ENPP3: variants seen among roughly 807,000 people sequenced by gnomAD.
The protein encoded by ENPP3 is ectonucleotide pyrophosphatase/phosphodiesterase 3, also known as ectonucleotide pyrophosphatase/phosphodiesterase family member 3.
A neutral mutation model predicts 117.8 loss-of-function variants in ENPP3; 104 were observed. That is an observed-to-expected ratio of 0.88 (90% CI 0.75 to 1.04). The LOEUF (loss-of-function observed/expected upper bound fraction) is 1.04. ENPP3 is among the 50% of genes least tolerant of loss of function. ENPP3 has a pLI of 0.00. For synonymous variants in ENPP3, 380 were observed against 349.9 expected (o/e 1.09, Z -0.96); for missense variants, 1,026 against 1,051.9 (o/e 0.98, Z 0.34).
Position 131,685,404 on chromosome 6 carries a change from T to G in ENPP3, c.1161T>G (p.Thr387=). The change falls in exon 13 of 25, where the codon ACT becomes ACG. Residue 387 remains threonine (T), a synonymous_variant. Coordinates refer to ENST00000357639, the MANE Select transcript of ENPP3 (RefSeq NM_005021.5). ...QTYCNKMEYM[T]DYFPRINFFY... ...ATTGTAACAAGATGGAATACATGAC[T>G]GATTATTTTCCCAGAATAAACTTCT... 6.2e-7 allele frequency: 1 copy of G among 1,612,716 alleles called. No homozygotes were observed. Among genetic ancestry groups the G allele is most frequent in the Non-Finnish European group, 8.5e-7 (1 of 1,178,732 alleles).
intron 6 of ENPP3, 77 bp from the exon 7 acceptor site, chr6:131,671,171 T>C (rs573889222): frequency 1.8e-4 from 149 of 832,428 alleles, no homozygotes; most frequent in Admixed American, 6.6e-4. Context: ...CTGAGAGACT[T>C]TCATGTTCAG....
At chr6:131,715,208 C>A (rs376515086) in intron 15 of ENPP3, among the ~76,000 whole-genome samples, 4 of 151,730 alleles carry the variant, frequency 2.6e-5, no homozygotes, top group South Asian at 2.1e-4. Flanking sequence ...TTTTAGCCAG[C>A]GCCAGCTTGA....
chr6:131,649,620 A>G (rs1306769667), intron 2 of ENPP3, among the ~76,000 whole-genome samples: 1 of 152,102 alleles, frequency 6.6e-6, no homozygotes, highest in African/African-American at 2.4e-5. Flanking sequence ...CAGTGGCACA[A>G]TCTCAGCTCA....
chr6:131,718,831 T>G, intron 16 of ENPP3, 93 bp downstream of exon 16: 1 of 694,562 alleles, frequency 1.4e-6, no homozygotes. Context: ...ACATCTGTCA[T>G]GGGGGTTTGT....
chr6:131,670,843 T>C (rs1431422211), intron 6 of ENPP3, among the ~76,000 whole-genome samples: 19 of 152,178 alleles, frequency 1.2e-4, no homozygotes, highest in Admixed American at 1.2e-3. Context: ...TTATGACACG[T>C]AAAAATTACC....
intron 20 of ENPP3, 31 bp from the exon 21 acceptor site, chr6:131,733,557 G>A (rs368471779): frequency 1.3e-6 from 2 of 1,597,350 alleles, no homozygotes; most frequent in Non-Finnish European, 1.7e-6. Context: ...GCAATTGTGG[G>A]CGTAATTTTT....
chr6:131,741,371 A>T (rs2114581001), intron 24 of ENPP3, among the ~76,000 whole-genome samples: 1 of 152,338 alleles, frequency 6.6e-6, no homozygotes, highest in South Asian at 2.1e-4. Context: ...TTAGTCAGTC[A>T]ATAATACAAG....
At chr6:131,683,661 A>G (rs1015127816) in intron 12 of ENPP3, among the ~76,000 whole-genome samples, 3 of 152,110 alleles carry the variant, frequency 2.0e-5, no homozygotes, top group African/African-American at 4.8e-5. Context: ...CTGAATGTTA[A>G]AGGAAGTGAA....
chr6:131,678,270 T>C (rs1433895722), intron 11 of ENPP3, among the ~76,000 whole-genome samples: 1 of 152,226 alleles, frequency 6.6e-6, no homozygotes, highest in Non-Finnish European at 1.5e-5. Context: ...TTCATACTAA[T>C]GTGGTGCATT....
intron 12 of ENPP3, 24 bp downstream of exon 12, chr6:131,683,186 AT>A: frequency 8.3e-7 from 1 of 1,197,706 alleles, no homozygotes; most frequent in Non-Finnish European, 1.2e-6. Flanking sequence ...AAACATTCTT[AT>A]TTTATCATTG....
At chr6:131,733,504 C>T in intron 20 of ENPP3, 84 bp from the exon 21 acceptor site, 1 of 1,426,978 alleles carries the variant, frequency 7.0e-7, no homozygotes, top group Non-Finnish European at 9.5e-7. Context: ...AAATGAAAAA[C>T]ATTCTAGGGA....
Position 131,710,198 on chromosome 6 carries a change from G to T in ENPP3, c.1413-8474G>T. The T allele has an allele frequency of 1.9e-6, 3 of 1,608,452 alleles. No individual in the cohort carries two copies. The South Asian group carries it at 3.3e-5, about 18-fold the overall frequency. ...ACAGCAGCCTGATCTTTCATCATTG[G>T]CAAGTGTCCAGTCAGGGTCTTGATG... On this transcript the variant is annotated intron_variant, in intron 15 of 24. Coordinates refer to ENST00000357639, the MANE Select transcript of ENPP3 (RefSeq NM_005021.5).
chr6:131,718,615 C>A, intron 15 of ENPP3, 57 bp from the exon 16 acceptor site: 1 of 805,614 alleles, frequency 1.2e-6, no homozygotes, highest in Non-Finnish European at 1.9e-6. Context: ...TTAAATCTTA[C>A]ACTATGGTCT....
chr6:131,667,925 A>G (rs927637066), intron 6 of ENPP3, among the ~76,000 whole-genome samples: 1 of 152,102 alleles, frequency 6.6e-6, no homozygotes, highest in Non-Finnish European at 1.5e-5. Context: ...CATACTTGCA[A>G]CTCTGGGAAG....
At chr6:131,745,528 A>T (rs1272324754) in intron 24 of ENPP3, among the ~76,000 whole-genome samples, 1 of 152,144 alleles carries the variant, frequency 6.6e-6, no homozygotes, top group Non-Finnish European at 1.5e-5. Flanking sequence ...AATACCAGAA[A>T]ATTATTCTTT....
intron 15 of ENPP3, among the ~76,000 whole-genome samples, chr6:131,698,584 G>A (rs199582426): frequency 0.12 from 334 of 2,716 alleles, 27 homozygotes; most frequent in African/African-American, 0.27. Context: ...CAGTTATTAA[G>A]GTTTGAGAGT....
Position 131,668,376 on chromosome 6 carries a change from G to C in ENPP3, c.563-2872G>C, listed in dbSNP as rs554534664. On this transcript the variant is annotated intron_variant, in intron 6 of 24. Transcript: ENST00000357639. ...ATTACAGGCACGCGCCACTGCACTG[G>C]GCTAATTTTTGTATTTTTATTAGAG... Among the ~76,000 whole-genome samples, 5 of 151,668 alleles carry C rather than the reference G, an allele frequency of 3.3e-5. No homozygotes were observed. In the East Asian group the frequency reaches 9.7e-4, roughly 29 times the overall value.
intron 6 of ENPP3, among the ~76,000 whole-genome samples, chr6:131,669,759 G>A (rs1324854028): frequency 1.3e-5 from 2 of 150,776 alleles, no homozygotes; most frequent in African/African-American, 4.9e-5. Context: ...AGAATCCTAT[G>A]TAGTGGACTT....
chr6:131,672,647 G>A (rs1028787046), intron 7 of ENPP3, among the ~76,000 whole-genome samples: 3 of 151,474 alleles, frequency 2.0e-5, no homozygotes, highest in East Asian at 1.9e-4. Context: ...TAACTACTAC[G>A]AATAATAATA....
Sources: allele counts gnomAD v4.1 joint callset (sites outside exome capture counted in the v4.1 genomes callset), GRCh38; gene constraint gnomAD v4.1.1; transcripts MANE v1.5; gene names NCBI Gene and HGNC (gene_info 2026-07-23, HGNC 2026-07-21).